The following TMPRSS11A variants were observed in gnomAD, a reference collection of about 807,000 sequenced individuals.
The protein encoded by TMPRSS11A is transmembrane protease serine 11A.
TMPRSS11A carries 53 observed loss-of-function variants against 58.9 expected under a neutral mutation model. The ratio of observed to expected loss-of-function variants is 0.90; its 90% confidence interval spans 0.72 to 1.13. The LOEUF is 1.13. Ranked by LOEUF, TMPRSS11A falls within the 50% of genes most tolerant of loss-of-function variation. The pLI is 0.00. For missense variants in TMPRSS11A, 493 were observed against 499.3 expected, an observed-to-expected ratio of 0.99 and a Z score of 0.12; for synonymous variants, 167 against 169.8, an observed-to-expected ratio of 0.98 and a Z score of 0.13.
chr4:67,931,931 C>T (rs529825761), intron 4 of TMPRSS11A, 62 bp downstream of exon 4: 133 of 980,674 alleles, frequency 1.4e-4, no homozygotes, highest in Non-Finnish European at 2.0e-4. Flanking sequence ...ATGAGAGTCC[C>T]TGTCTCCTTT....
chr4:67,933,721 C>T (rs1290993438), intron 3 of TMPRSS11A, among the ~76,000 whole-genome samples: 1 of 152,080 alleles, frequency 6.6e-6, no homozygotes, highest in East Asian at 1.9e-4. Context: ...TCTCATCACC[C>T]ACAGCCAGCT....
chr4:67,939,765 T>C (rs1720836630), intron 3 of TMPRSS11A, among the ~76,000 whole-genome samples: 1 of 152,196 alleles, frequency 6.6e-6, no homozygotes, highest in Non-Finnish European at 1.5e-5. Context: ...CTCGGCTCAC[T>C]GCAACCTCTG....
At chr4:67,911,586 A>G (rs1719982427) in intron 9 of TMPRSS11A, 83 bp from the exon 10 acceptor site, 8 of 1,128,720 alleles carry the variant, frequency 7.1e-6, no homozygotes, top group Non-Finnish European at 1.0e-5. Flanking sequence ...TGAATCACAT[A>G]TTTTGTTACT....
intron 1 of TMPRSS11A, among the ~76,000 whole-genome samples, chr4:67,962,920 C>A (rs1721471941): frequency 6.6e-6 from 1 of 152,218 alleles, no homozygotes; most frequent in East Asian, 1.9e-4. Flanking sequence ...GCAGGTGTCT[C>A]TGCAGCTATT....
intron 4 of TMPRSS11A, among the ~76,000 whole-genome samples, chr4:67,930,829 T>TTTTTTTTTTAA (rs1265700805): frequency 2.2e-5 from 2 of 90,128 alleles, no homozygotes; most frequent in Non-Finnish European, 4.2e-5. Context: ...TTTTTTTTTT[T>TTTTTTTTTTAA]ACAAAAAAAA....
chr4:67,959,166 A>G (rs992199872), intron 1 of TMPRSS11A, among the ~76,000 whole-genome samples: 2 of 152,236 alleles, frequency 1.3e-5, no homozygotes, highest in African/African-American at 4.8e-5. Context: ...CTGCCTTTAA[A>G]TCTGAATGAT....
intron 1 of TMPRSS11A, among the ~76,000 whole-genome samples, chr4:67,954,030 C>T (rs904183631): frequency 6.6e-6 from 1 of 152,050 alleles, no homozygotes; most frequent in Non-Finnish European, 1.5e-5. Context: ...GAATCCAGAC[C>T]AAAGGCAATT....
intron 1 of TMPRSS11A, among the ~76,000 whole-genome samples, chr4:67,962,270 G>A (rs1721449795): frequency 6.6e-6 from 1 of 152,068 alleles, no homozygotes; most frequent in African/African-American, 2.4e-5. Flanking sequence ...TGTGATTACT[G>A]AAGGACTGAT....
At chr4:67,921,698 A>C (rs1447498794) in intron 7 of TMPRSS11A, among the ~76,000 whole-genome samples, 1 of 152,218 alleles carries the variant, frequency 6.6e-6, no homozygotes, top group Admixed American at 6.5e-5. Context: ...ATAGTAACAA[A>C]AGTTAGAATT....
intron 5 of TMPRSS11A, among the ~76,000 whole-genome samples, chr4:67,926,828 TTGGACCC>T (rs1484114265): frequency 6.6e-6 from 1 of 152,012 alleles, no homozygotes; most frequent in African/African-American, 2.4e-5. Flanking sequence ...GGAGGCAGCA[TTGGACCC>T]TTGCAGATGG....
intron 1 of TMPRSS11A, among the ~76,000 whole-genome samples, chr4:67,958,285 A>G (rs1439596176): frequency 6.6e-6 from 1 of 152,220 alleles, no homozygotes; most frequent in East Asian, 1.9e-4. Context: ...TGCACCTGGA[A>G]AAGCCATAGA....
chr4:67,916,385 G>A (rs1455571434), intron 8 of TMPRSS11A, among the ~76,000 whole-genome samples: 3 of 151,790 alleles, frequency 2.0e-5, no homozygotes, highest in Non-Finnish European at 2.9e-5. Context: ...AAAAGTGCTC[G>A]GAAGATTTAA....
intron 8 of TMPRSS11A, among the ~76,000 whole-genome samples, chr4:67,916,123 A>G (rs1006470928): frequency 3.9e-5 from 6 of 152,202 alleles, no homozygotes; most frequent in Admixed American, 2.0e-4. Flanking sequence ...CTACAAGAGT[A>G]GATATTAAGT....
intron 3 of TMPRSS11A, among the ~76,000 whole-genome samples, chr4:67,932,724 G>C (rs1291287654): frequency 6.6e-6 from 1 of 151,968 alleles, no homozygotes; most frequent in Non-Finnish European, 1.5e-5. Flanking sequence ...GAGGCATTAG[G>C]GATTTAAGAG....
At chr4:67,937,251 G>T (rs1350084310) in intron 3 of TMPRSS11A, among the ~76,000 whole-genome samples, 1 of 151,898 alleles carries the variant, frequency 6.6e-6, no homozygotes, top group Non-Finnish European at 1.5e-5. Context: ...ACTATAGATT[G>T]TTCACACTAG....
intron 3 of TMPRSS11A, 30 bp downstream of exon 3, chr4:67,944,489 C>T (rs1720953177): frequency 6.3e-7 from 1 of 1,596,340 alleles, no homozygotes; most frequent in Admixed American, 1.8e-5. Context: ...TTGCATTATT[C>T]TATGATAAAA....
In TMPRSS11A at chr4:67,950,602, G is replaced by A. The variant is rs375720297; in HGVS notation, c.12-4031C>T. On this transcript the variant is annotated intron_variant, in intron 1 of 9. Coordinates refer to ENST00000508048, the MANE Select transcript of TMPRSS11A (RefSeq NM_001114387.2). ...AATTGGGATAAAGTCTATGTACACC[G>A]GAGGGGGGAATCTTGGGGGCCCTCT... Among the ~76,000 whole-genome samples the A allele has an allele frequency of 5.0e-4, 76 of 152,260 alleles. 1 individual carries two copies. The South Asian group carries it at 0.013, about 25-fold the overall frequency.
At chr4:67,958,766 G>C (rs1290113273) in intron 1 of TMPRSS11A, among the ~76,000 whole-genome samples, 5 of 152,074 alleles carry the variant, frequency 3.3e-5, no homozygotes, top group African/African-American at 1.2e-4. Flanking sequence ...ATATGGTTTG[G>C]CTGTGTCCCC....
chr4:67,953,996 C>T (rs576333453), intron 1 of TMPRSS11A, among the ~76,000 whole-genome samples: 1 of 152,192 alleles, frequency 6.6e-6, no homozygotes, highest in East Asian at 1.9e-4. Flanking sequence ...GAGGGAATTG[C>T]AGCATTAAAT....
Sources: gnomAD v4.1 joint callset for allele counts (sites outside exome capture counted in the v4.1 genomes callset) on GRCh38, gnomAD v4.1.1 for gene constraint, MANE v1.5 for transcripts, NCBI Gene and HGNC (gene_info 2026-07-23, HGNC 2026-07-21) for gene names.